ZNF106: variants seen among roughly 807,000 people sequenced by gnomAD.
ZNF106 encodes zinc finger protein 106, also known as SH3-domain binding protein 3.
A neutral mutation model predicts 195.1 loss-of-function variants in ZNF106; 67 were observed. The ratio of observed to expected loss-of-function variants is 0.34; its 90% CI spans 0.28 to 0.42. The LOEUF (loss-of-function observed/expected upper bound fraction) is 0.42, where lower values mean the gene tolerates loss of function less well. Ranked by LOEUF, ZNF106 falls within the 10% of genes least tolerant of loss-of-function variation. The pLI is 1.00. For synonymous variants in ZNF106, 784 were observed against 818.6 expected, an observed-to-expected ratio of 0.96 and a Z score of 0.72; for missense variants, 2,118 against 2,304.5, an observed-to-expected ratio of 0.92 and a Z score of 1.66.
intron 9 of ZNF106, among the ~76,000 whole-genome samples, chr15:42,443,538 A>G (rs2055635705): frequency 1.3e-5 from 2 of 151,842 alleles, no homozygotes; most frequent in Admixed American, 1.3e-4. Flanking sequence ...AAATTTTTAC[A>G]ATTTAAATCA....
chr15:42,458,065 T>G (rs1344293472), intron 3 of ZNF106, among the ~76,000 whole-genome samples: 10 of 152,204 alleles, frequency 6.6e-5, no homozygotes. Flanking sequence ...GACTATGCAG[T>G]CATTTATGAG....
At chr15:42,425,147 G>A (rs1410532766) in intron 15 of ZNF106, 122 bp from the exon 16 acceptor site, 4 of 925,814 alleles carry the variant, frequency 4.3e-6, no homozygotes, top group Non-Finnish European at 6.6e-6. Flanking sequence ...TACCCACTCT[G>A]CAGCCTTAAC....
At position 42,451,813 on chromosome 15, in the gene ZNF106, C is replaced by T; in HGVS notation, c.459G>A (p.Arg153=). The T allele has an allele frequency of 6.2e-7, 1 of 1,614,160 alleles. No homozygotes were observed. The highest frequency in any genetic ancestry group is 8.5e-7 in the Non-Finnish European group (1 of 1,180,038). ...AGCCATCTTTTTCCCATTTCCAATC[C>T]CGCTGTGGAGGTCCACGATGATGCC... The part of the protein sequence containing the change: ...PAWHHRGPPQ[R]DWKWEKDGFN... The change falls in exon 5 of 22, where the codon CGG becomes CGA. Residue 153 remains arginine (R), a synonymous_variant. Transcript: ENST00000564754.
intron 3 of ZNF106, among the ~76,000 whole-genome samples, chr15:42,460,306 A>G (rs2056358346): frequency 6.6e-6 from 1 of 152,200 alleles, no homozygotes. Context: ...AGACACAACT[A>G]GAAAGCAATA....
In ZNF106 at chr15:42,424,045, C is replaced by T. The variant is rs756628044; in HGVS notation, c.5206G>A (p.Val1736Met). The T allele has an allele frequency of 2.0e-5, 33 of 1,612,990 alleles. No individual in the cohort carries two copies. In the East Asian group the frequency reaches 5.8e-4, roughly 28 times the overall value. ...GACTGATCACTGGAGCCACTGAACACGAGATCATTCACCACCTTAAAGAAA... is the reference window on the plus strand; with the variant it reads ...GACTGATCACTGGAGCCACTGAACATGAGATCATTCACCACCTTAAAGAAA... ...ILCMKVVNDL[V>M]FSGSSDQSVH... The change falls in exon 17 of 22, where the codon GTG becomes ATG. Residue 1736 changes from valine to methionine, a missense_variant. Coordinates refer to ENST00000564754, the MANE Select transcript of ZNF106 (RefSeq NM_001366845.3).
intron 1 of ZNF106, among the ~76,000 whole-genome samples, chr15:42,476,804 G>C (rs1342535015): frequency 6.6e-6 from 1 of 152,036 alleles, no homozygotes; most frequent in Non-Finnish European, 1.5e-5. Context: ...CCTGCGAACC[G>C]CAAACCTGTG....
chr15:42,457,528 C>A, intron 3 of ZNF106: 1 of 1,099,358 alleles, frequency 9.1e-7, no homozygotes, highest in Non-Finnish European at 1.1e-6. Context: ...GTGCCAGCTG[C>A]ACTCAGAAGG....
At chr15:42,435,188 T>C (rs2055226585) in intron 14 of ZNF106, among the ~76,000 whole-genome samples, 196 bp downstream of exon 14, 1 of 152,150 alleles carries the variant, frequency 6.6e-6, no homozygotes. Flanking sequence ...AAAATACTGG[T>C]GGAGAGAGAC....
chr15:42,425,084 A>G, intron 15 of ZNF106, 59 bp from the exon 16 acceptor site: 1 of 1,529,448 alleles, frequency 6.5e-7, no homozygotes, highest in Non-Finnish European at 9.0e-7. Context: ...TCAACTAACC[A>G]ACATCATTAC....
In ZNF106 at chr15:42,448,464, C is replaced by T. The variant is rs760805847; in HGVS notation, c.2743G>A (p.Val915Ile). The T allele has an allele frequency of 6.2e-7, 1 of 1,614,122 alleles. No individual in the cohort carries two copies. ...TGKENEPQQM[V>I]SPSNSLRAGQ... ...GCCCTCAATGAGTTACTAGGTGAAA[C>T]CATCTGCTGGGGCTCATTTTCTTTG... is the stretch of plus-strand genomic sequence containing the variant. Residue 915 changes from valine (V) to isoleucine (I), a missense_variant, in exon 6 of 22, where the codon GTT becomes ATT. Coordinates refer to ENST00000564754, the MANE Select transcript of ZNF106 (RefSeq NM_001366845.3).
At chr15:42,487,892 C>T (rs1431474591) in intron 1 of ZNF106, among the ~76,000 whole-genome samples, 1 of 152,120 alleles carries the variant, frequency 6.6e-6, no homozygotes, top group Non-Finnish European at 1.5e-5. Context: ...GGTTGTCCCT[C>T]GATATCCATG....
At chr15:42,456,815 C>T (rs57734638) in intron 4 of ZNF106, 143 bp downstream of exon 4, 40,104 of 735,168 alleles carry the variant, frequency 0.055, 3,571 homozygotes, top group African/African-American at 0.26. Flanking sequence ...ATTCCATTGC[C>T]CTTTGATTAG....
intron 4 of ZNF106, among the ~76,000 whole-genome samples, chr15:42,454,741 A>T (rs2056168568): frequency 6.6e-6 from 1 of 151,680 alleles, no homozygotes. Flanking sequence ...AATAAAAAAA[A>T]AAAAATTAGC....
intron 12 of ZNF106, among the ~76,000 whole-genome samples, chr15:42,437,610 T>C (rs759076281): frequency 1.3e-5 from 2 of 152,024 alleles, no homozygotes; most frequent in Non-Finnish European, 2.9e-5. Context: ...TAGATAATTA[T>C]ATAATGAGCT....
intron 14 of ZNF106, among the ~76,000 whole-genome samples, chr15:42,431,851 T>A (rs1024411782): frequency 2.0e-5 from 3 of 152,184 alleles, no homozygotes; most frequent in African/African-American, 7.2e-5. Flanking sequence ...TGACCTCAAG[T>A]GATCCACCCG....
At chr15:42,479,622 A>G (rs556461215) in intron 1 of ZNF106, among the ~76,000 whole-genome samples, 1 of 152,166 alleles carries the variant, frequency 6.6e-6, no homozygotes, top group South Asian at 2.1e-4. Context: ...CGGGCAGATC[A>G]CCAGAGGTCA....
chr15:42,444,685 C>G (rs960291789), intron 8 of ZNF106, 142 bp downstream of exon 8: 3 of 1,000,636 alleles, frequency 3.0e-6, no homozygotes, highest in African/African-American at 3.3e-5. Flanking sequence ...CTAACTGTCC[C>G]CCATTAGGCA....
Position 42,430,974 on chromosome 15 carries a change from TTTC to T in ZNF106, c.4882-2843_4882-2841del, listed in dbSNP as rs1323001111. ...TTTCTAGTTTCTTGGATTTTAAAGCTTTCTTCTTTTCTAATAGAAGCAATTAAA... is the reference window on the plus strand; with the variant it reads ...TTTCTAGTTTCTTGGATTTTAAAGCTTTCTTTTCTAATAGAAGCAATTAAA... On this transcript the variant is annotated intron_variant, in intron 14 of 21. Coordinates refer to ENST00000564754, the MANE Select transcript of ZNF106 (RefSeq NM_001366845.3). Among the ~76,000 whole-genome samples the T allele has an allele frequency of 3.9e-5, 6 of 152,120 alleles. No homozygotes were observed. In the East Asian group the frequency reaches 1.2e-3, roughly 29 times the overall value.
rs2055943185 is a variant in ZNF106, at chr15:42,450,204, A to G, written c.2068T>C (p.Leu690=). Residue 690 remains leucine (L), a synonymous_variant, in exon 5 of 22, where the codon TTG becomes CTG. Transcript: ENST00000564754. ...TCTAGAGAGGTTTTCAAGTCTAGCA[A>G]TAAGCCAGGGTGTGGACTGGCTGCA... is the stretch of plus-strand genomic sequence containing the variant. ...TSAASPHPGL[L]LDLKTSLEDA... is the part of the protein sequence containing the mutation. 6 of 1,614,114 alleles carry G rather than the reference A, an allele frequency of 3.7e-6. No individual in the cohort carries two copies. Among genetic ancestry groups the G allele is most frequent in the Non-Finnish European group, 5.1e-6 (6 of 1,180,062 alleles).
Sources: allele counts gnomAD v4.1 joint callset (sites outside exome capture counted in the v4.1 genomes callset), GRCh38; gene constraint gnomAD v4.1.1; transcripts MANE v1.5; gene names NCBI Gene and HGNC (gene_info 2026-07-23, HGNC 2026-07-21).